Variants in EYS observed in about 807,000 individuals in gnomAD.
EYS encodes the protein protein eyes shut homolog.
A neutral mutation model predicts 282.1 loss-of-function variants in EYS; 250 were observed. The ratio of observed to expected loss-of-function variants is 0.89; its 90% CI spans 0.80 to 0.98. The LOEUF (loss-of-function observed/expected upper bound fraction) is 0.98. EYS is among the 50% of genes least tolerant of loss of function. The probability of loss-of-function intolerance (pLI) is 0.00; values close to 1 mark genes in which losing one functional copy is unlikely to be tolerated. For synonymous variants in EYS, 1,355 were observed against 1,282.9 expected (o/e 1.06, Z -1.20); for missense variants, 4,016 against 3,709.0 (o/e 1.08, Z -2.15).
At chr6:65,070,210 C>T (rs1773864404) in intron 12 of EYS, among the ~76,000 whole-genome samples, 1 of 151,918 alleles carries the variant, frequency 6.6e-6, no homozygotes. Context: ...TATCTACGTG[C>T]TAATTCATTC....
At chr6:64,304,502 A>G (rs1357378774) in intron 30 of EYS, among the ~76,000 whole-genome samples, 1 of 152,116 alleles carries the variant, frequency 6.6e-6, no homozygotes, top group Non-Finnish European at 1.5e-5. Flanking sequence ...AAGCATGTGG[A>G]ACATTTTCCA....
chr6:64,027,602 A>G (rs1048636645), intron 33 of EYS, among the ~76,000 whole-genome samples: 7 of 152,216 alleles, frequency 4.6e-5, no homozygotes, highest in Admixed American at 6.5e-5. Context: ...GGTGGTTCAG[A>G]GAAGACAGAA....
At chr6:65,255,645 A>G (rs942865289) in intron 12 of EYS, among the ~76,000 whole-genome samples, 1 of 152,044 alleles carries the variant, frequency 6.6e-6, no homozygotes, top group Non-Finnish European at 1.5e-5. Flanking sequence ...ATATATAAGG[A>G]GCTCAAATAA....
rs549027930 is a variant in EYS at position 64,047,161 on chromosome 6, T to A, written c.6725+19177A>T. Reference sequence around the variant, plus strand: ...ATGTTTTTCAATTCCCATCTCTAATTTTAAAGTGTGTCATTAGGTTAAAAA... The same window carrying A: ...ATGTTTTTCAATTCCCATCTCTAATATTAAAGTGTGTCATTAGGTTAAAAA... On this transcript the variant is annotated intron_variant, in intron 33 of 42. Coordinates refer to ENST00000503581, the MANE Select transcript of EYS (RefSeq NM_001142800.2). 3.3e-5 allele frequency among the ~76,000 whole-genome samples: 5 copies of A among 149,530 alleles called. No individual in the cohort carries two copies. In the South Asian group the frequency reaches 1.1e-3, roughly 32 times the overall value.
chr6:64,214,771 C>T (rs1487880891), intron 31 of EYS, among the ~76,000 whole-genome samples: 3 of 151,894 alleles, frequency 2.0e-5, no homozygotes, highest in Non-Finnish European at 4.4e-5. Context: ...ATGGAATTCA[C>T]ATTTATGTTA....
chr6:64,267,348 A>C, intron 30 of EYS, among the ~76,000 whole-genome samples: 1 of 151,998 alleles, frequency 6.6e-6, no homozygotes, highest in East Asian at 1.9e-4. Context: ...TGCCTCTTCT[A>C]TTTGCTCTGT....
chr6:65,386,777 G>A (rs1406112645), intron 7 of EYS, among the ~76,000 whole-genome samples: 1 of 151,858 alleles, frequency 6.6e-6, no homozygotes, highest in Non-Finnish European at 1.5e-5. Flanking sequence ...GAGGCCAATT[G>A]TTTTAAATAC....
At chr6:64,835,311 C>T (rs2023429) in intron 19 of EYS, among the ~76,000 whole-genome samples, 20,483 of 151,552 alleles carry the variant, frequency 0.14, 1,693 homozygotes, top group East Asian at 0.43. Flanking sequence ...GAACTAGAAA[C>T]ATGTGCATAA....
At chr6:65,505,374 T>A (rs1352443492) in intron 2 of EYS, among the ~76,000 whole-genome samples, 1 of 151,902 alleles carries the variant, frequency 6.6e-6, no homozygotes, top group Non-Finnish European at 1.5e-5. Flanking sequence ...TATTAGTTTA[T>A]TTTCTTTATT....
intron 12 of EYS, among the ~76,000 whole-genome samples, chr6:65,142,479 A>AAC (rs71268364): frequency 0.096 from 12,887 of 134,836 alleles, 661 homozygotes; most frequent in African/African-American, 0.14. Flanking sequence ...AGAAATACAA[A>AAC]ACACACACAC....
chr6:64,796,843 T>A (rs1420276729), intron 22 of EYS, among the ~76,000 whole-genome samples: 1 of 152,170 alleles, frequency 6.6e-6, no homozygotes, highest in African/African-American at 2.4e-5. Flanking sequence ...GTGTGAGAGA[T>A]ACCAAAACAT....
intron 12 of EYS, among the ~76,000 whole-genome samples, chr6:65,262,257 C>A (rs776717545): frequency 3.8e-4 from 58 of 152,050 alleles, no homozygotes; most frequent in Non-Finnish European, 7.1e-4. Flanking sequence ...TGGTCATAAT[C>A]AATTTAATCA....
chr6:65,586,394 C>A (rs1395570231), intron 2 of EYS, among the ~76,000 whole-genome samples: 2 of 151,802 alleles, frequency 1.3e-5, no homozygotes, highest in Non-Finnish European at 2.9e-5. Context: ...AATTTTATAA[C>A]CAAAAGGGGC....
intron 32 of EYS, among the ~76,000 whole-genome samples, chr6:64,073,217 TAAC>T (rs879335026): frequency 4.9e-4 from 74 of 152,022 alleles, no homozygotes; most frequent in African/African-American, 1.6e-3. Flanking sequence ...TTTATTCCAT[TAAC>T]AACAATTCGT....
chr6:64,442,456 G>C (rs1774979749), intron 26 of EYS, among the ~76,000 whole-genome samples: 1 of 152,220 alleles, frequency 6.6e-6, no homozygotes, highest in Non-Finnish European at 1.5e-5. Flanking sequence ...GCCTGCTGCT[G>C]ATATTTGCAT....
intron 40 of EYS, 103 bp from the exon 41 acceptor site, chr6:63,762,736 A>G: frequency 1.8e-6 from 2 of 1,085,238 alleles, no homozygotes; most frequent in Non-Finnish European, 2.6e-6. Flanking sequence ...CTGAAGTTCC[A>G]AGAGATCAAA....
chr6:64,422,625 A>G (rs1305951753), intron 28 of EYS, among the ~76,000 whole-genome samples: 2 of 152,162 alleles, frequency 1.3e-5, no homozygotes, highest in Non-Finnish European at 2.9e-5. Flanking sequence ...TGCTTTTTTT[A>G]TTAGAAGAGT....
intron 12 of EYS, among the ~76,000 whole-genome samples, chr6:65,085,282 A>G (rs534584136): frequency 4.6e-5 from 7 of 152,242 alleles, no homozygotes; most frequent in African/African-American, 1.7e-4. Context: ...GAGAGTAATC[A>G]TATCTCACAG....
intron 12 of EYS, among the ~76,000 whole-genome samples, chr6:65,282,137 AAT>A (rs1768240694): frequency 1.3e-5 from 2 of 151,806 alleles, no homozygotes; most frequent in Admixed American, 6.6e-5. Flanking sequence ...GAGGGAAAAA[AAT>A]ATATATATAG....
Sources: allele counts gnomAD v4.1 joint callset (sites outside exome capture counted in the v4.1 genomes callset), GRCh38; gene constraint gnomAD v4.1.1; transcripts MANE v1.5; gene names NCBI Gene and HGNC (gene_info 2026-07-23, HGNC 2026-07-21).